The following CLK1 variants were observed in gnomAD, a reference collection of about 807,000 sequenced individuals.
CLK1 encodes dual specificity protein kinase CLK1.
CLK1 carries 40 observed loss-of-function variants against 60.9 expected under a neutral mutation model. That is an observed-to-expected ratio of 0.66 (90% confidence interval 0.51 to 0.86). The LOEUF is 0.86. Among genes scored for constraint, CLK1 ranks in the 40% least tolerant of loss-of-function variants. The probability of loss-of-function intolerance (pLI) is 0.00; values close to 1 mark genes in which losing one functional copy is unlikely to be tolerated. For synonymous variants in CLK1, 203 were observed against 184.4 expected (o/e 1.10, Z -0.82); for missense variants, 563 against 606.1 (o/e 0.93, Z 0.75).
chr2:200,853,503 A>G, intron 12 of CLK1, 54 bp from the exon 13 acceptor site: 2 of 1,483,562 alleles, frequency 1.3e-6, no homozygotes, highest in Non-Finnish European at 1.8e-6. Context: ...CATTGACTAC[A>G]CTATGTAACA....
chr2:200,859,610 C>G, intron 5 of CLK1, 70 bp downstream of exon 5: 2 of 1,301,798 alleles, frequency 1.5e-6, no homozygotes, highest in Non-Finnish European at 2.2e-6. Context: ...GGTCAGACCA[C>G]TTTCTAAAGC....
chr2:200,853,773 G>A (rs2038991078), intron 12 of CLK1, 130 bp downstream of exon 12: 2 of 560,342 alleles, frequency 3.6e-6, no homozygotes, highest in South Asian at 2.7e-5. Context: ...CTAGGATGCA[G>A]AGGTTGCAGT....
intron 5 of CLK1, 106 bp downstream of exon 5, chr2:200,859,574 G>T: frequency 1.3e-6 from 1 of 768,686 alleles, no homozygotes; most frequent in Non-Finnish European, 2.1e-6. Context: ...AGTAAAAAAG[G>T]GTATAAAGAT....
intron 5 of CLK1, 122 bp from the exon 6 acceptor site, chr2:200,858,211 T>C (rs2039075536): frequency 1.3e-6 from 1 of 746,180 alleles, no homozygotes; most frequent in Admixed American, 1.9e-5. Context: ...TGGTTTAGTG[T>C]TCAGTTCTGA....
chr2:200,853,507 T>C (rs890498815), intron 12 of CLK1, 58 bp from the exon 13 acceptor site: 1 of 1,454,840 alleles, frequency 6.9e-7, no homozygotes, highest in Non-Finnish European at 9.4e-7. Flanking sequence ...GACTACACTA[T>C]GTAACAGTAT....
Position 200,861,785 on chromosome 2 carries a change from G to T in CLK1, c.78C>A (p.Ser26Arg), listed in dbSNP as rs371515519. The stretch of plus-strand genomic sequence containing the variant: ...GTGATCTCTTCCTTCTTTTATGACT[G>T]CTGCTGCTCCTCCATTTTCCATAAT... Reference protein sequence around the residue: ...DWDYGKWRSSSSHKRRKRSHS... With the variant: ...DWDYGKWRSSRSHKRRKRSHS... The change falls in exon 2 of 13, where the codon AGC (serine) becomes AGA (arginine). Residue 26 changes from serine to arginine, a missense_variant. This residue lies in a region of CLK1 where 198 missense variants were observed against 179.2 expected (regional missense o/e 1.10). Coordinates refer to ENST00000321356, the MANE Select transcript of CLK1 (RefSeq NM_004071.4). 6.2e-7 allele frequency: 1 copy of T among 1,613,506 alleles called. No individual in the cohort carries two copies. Among genetic ancestry groups the T allele is most frequent in the South Asian group, 1.1e-5 (1 of 91,070 alleles).
Position 200,856,694 on chromosome 2 carries a change from C to A in CLK1, c.1045G>T (p.Glu349Ter). 6.3e-7 allele frequency: 1 copy of A among 1,583,626 alleles called. No homozygotes were observed. The highest frequency in any genetic ancestry group is 8.6e-7 in the Non-Finnish European group (1 of 1,166,728). Residue 349 changes from glutamate to a stop codon, truncating the protein, a stop_gained, in exon 9 of 13, where the codon GAA becomes TAA. Coordinates refer to ENST00000321356, the MANE Select transcript of CLK1 (RefSeq NM_004071.4). LOFTEE classifies it high-confidence loss of function. Reference protein sequence around the residue: ...LVSTRHYRAPEVILALGWSQP... With the variant: ...LVSTRHYRAP ...AATTAATACTCACCTAAAATAACTTCAGGTGCTCTATAATGTCTTGTAGAT... is the reference window on the plus strand; with the variant it reads ...AATTAATACTCACCTAAAATAACTTAAGGTGCTCTATAATGTCTTGTAGAT...
chr2:200,858,782 G>A (rs1310518950), intron 5 of CLK1, among the ~76,000 whole-genome samples: 1 of 150,662 alleles, frequency 6.6e-6, no homozygotes, highest in African/African-American at 2.5e-5. Context: ...AAAATGCTTT[G>A]CCATTCAGGA....
chr2:200,855,922 T>C (rs2039032912), intron 9 of CLK1, among the ~76,000 whole-genome samples: 2 of 149,994 alleles, frequency 1.3e-5, no homozygotes, highest in South Asian at 2.1e-4. Context: ...GGCAGGAGAA[T>C]TGCTTGAACC....
At chr2:200,858,197 T>C (rs2039075197) in intron 5 of CLK1, 108 bp from the exon 6 acceptor site, 3 of 803,868 alleles carry the variant, frequency 3.7e-6, no homozygotes, top group Non-Finnish European at 6.5e-6. Flanking sequence ...ATTTTTTTAA[T>C]TTATGGTTTA....
rs1575075619 is a variant in CLK1 at position 200,855,089 on chromosome 2, G to A, written c.1058-3C>T. ...ACATGGTTGGGACCACCCTAGGGCT[G>A]CAAAGCAAAGCAAAATTTAAGGAAA... On this transcript the variant is annotated splice_polypyrimidine_tract_variant and splice_region_variant and intron_variant, in intron 9 of 12. Transcript: ENST00000321356. 1.3e-6 allele frequency: 2 copies of A among 1,580,092 alleles called. No individual in the cohort carries two copies. Among genetic ancestry groups the A allele is most frequent in the Non-Finnish European group, 1.7e-6 (2 of 1,168,690 alleles).
At chr2:200,863,679 C>T (rs932829512) in intron 1 of CLK1, among the ~76,000 whole-genome samples, 1 of 152,128 alleles carries the variant, frequency 6.6e-6, no homozygotes, top group Non-Finnish European at 1.5e-5. Context: ...TATGGTGAAA[C>T]TCTGTCTCTA....
chr2:200,863,600 G>A (rs1342856767), intron 1 of CLK1, among the ~76,000 whole-genome samples: 1 of 152,100 alleles, frequency 6.6e-6, no homozygotes, highest in African/African-American at 2.4e-5. Context: ...GCTCACACCT[G>A]TAATCCCAGC....
rs12328705 is a variant in CLK1 at position 200,857,462 on chromosome 2, C to T, written c.832+256G>A. On this transcript the variant is annotated intron_variant, in intron 7 of 12. Transcript: ENST00000321356. ...CACGCCTTAATTTTTACCCAGCATT[C>T]GAAGTTACTATTTTTGCGCATCAGA... 2,884 of 332,082 alleles carry T rather than the reference C, an allele frequency of 8.7e-3. 79 individuals are homozygous for T. Among genetic ancestry groups the T allele is most frequent in the African/African-American group, 0.056 (2,651 of 47,038 alleles). The allele number at this position is 332,082 out of a possible 1,614,324, so 20.6% of individuals were successfully genotyped here.
Position 200,864,556 on chromosome 2 carries a change from C to T in CLK1, c.-1+8G>A, listed in dbSNP as rs187152521. ...CTGTCACCTAGTCCGCTCCCTCCTG[C>T]GTCTTACCGTCCTGGACAAAGACTC... On this transcript the variant is annotated splice_region_variant and intron_variant, in intron 1 of 12. Coordinates refer to ENST00000321356, the MANE Select transcript of CLK1 (RefSeq NM_004071.4). 8.3e-5 allele frequency: 26 copies of T among 312,566 alleles called. 1 individual carries two copies. The highest frequency in any genetic ancestry group is 1.3e-4 in the Non-Finnish European group (21 of 167,964). 19.4% of individuals were successfully genotyped at this position (312,566 alleles called of 1,614,324 possible).
intron 3 of CLK1, chr2:200,860,915 C>T: frequency 9.0e-7 from 1 of 1,110,264 alleles, no homozygotes; most frequent in African/African-American, 1.7e-5. Flanking sequence ...TAGATCAAAA[C>T]TAATCAGGTT....
At position 200,861,365 on chromosome 2, in the gene CLK1, T is replaced by G; in HGVS notation, c.263A>C (p.His88Pro). 6.2e-7 allele frequency: 1 copy of G among 1,614,212 alleles called. No homozygotes were observed. Among genetic ancestry groups the G allele is most frequent in the Non-Finnish European group, 8.5e-7 (1 of 1,180,024 alleles). The change falls in exon 3 of 13, where the codon CAT becomes CCT. Residue 88 changes from histidine to proline, a missense_variant. Physicochemically the swap from His to Pro is moderately conservative, Grantham distance 77 (BLOSUM62 -2). This residue lies in a region of CLK1 where 198 missense variants were observed against 179.2 expected (regional missense o/e 1.10). Transcript: ENST00000321356. ...CCGGCTTTCATGGTCTCTTTGGCGATGTCCAGGTTCACATCCTTGAGTGTA... is the reference window on the plus strand; with the variant it reads ...CCGGCTTTCATGGTCTCTTTGGCGAGGTCCAGGTTCACATCCTTGAGTGTA... ...NDYTQGCEPGHRQRDHESRYQ... is the reference protein window; with the variant it reads ...NDYTQGCEPGPRQRDHESRYQ...
Position 200,858,028 on chromosome 2 carries a change from G to C in CLK1, c.610C>G (p.Arg204Gly). ...TGTTCCAGAACTTGTATTTCTGAGC[G>C]AGCAGCTTCACAGTATCTATCCACA... ...KNVDRYCEAA[R>G]SEIQVLEHLN... The change falls in exon 6 of 13, where the codon CGC becomes GGC. Residue 204 changes from arginine (R) to glycine (G), a missense_variant. By Grantham distance (125) the Arg-to-Gly change is moderately radical (BLOSUM62 -2). Around this residue, in one of 3 missense-constraint regions of CLK1, gnomAD observed 360 missense variants for 407.0 expected, o/e 0.88. Transcript: ENST00000321356. 6.2e-7 allele frequency: 1 copy of C among 1,614,030 alleles called. No homozygotes were observed. The highest frequency in any genetic ancestry group is 8.5e-7 in the Non-Finnish European group (1 of 1,179,948).
Position 200,861,323 on chromosome 2 carries a change from C to T in CLK1, c.305G>A (p.Ser102Asn). Reference protein sequence around the residue: ...DHESRYQNHSSKSSGRSGRSS... With the variant: ...DHESRYQNHSNKSSGRSGRSS... ...TCTTCCACTTCTACCAGAAGACTTG[C>T]TACTATGGTTCTGATACCGGCTTTC... is the stretch of plus-strand genomic sequence containing the variant. The change falls in exon 3 of 13, where the codon AGC becomes AAC. Residue 102 changes from serine (S) to asparagine (N), a missense_variant. By Grantham distance (46) the Ser-to-Asn change is conservative. Transcript: ENST00000321356. 1 of 1,614,122 alleles carries T rather than the reference C, an allele frequency of 6.2e-7. No homozygotes were observed. Among genetic ancestry groups the T allele is most frequent in the Non-Finnish European group, 8.5e-7 (1 of 1,179,994 alleles).
Sources: allele counts gnomAD v4.1 joint callset (sites outside exome capture counted in the v4.1 genomes callset), GRCh38; gene constraint gnomAD v4.1.1; regional missense constraint gnomAD v4.1.1; transcripts MANE v1.5; gene names NCBI Gene and HGNC (gene_info 2026-07-23, HGNC 2026-07-21).